Variants in ARB2A observed in about 807,000 individuals in gnomAD.
The protein encoded by ARB2A is cotranscriptional regulator ARB2A.
At chr5:93,870,509 G>A in the ARB2A span, among the ~76,000 whole-genome samples, 1 of 152,198 alleles carries the variant, frequency 6.6e-6, no homozygotes, top group Non-Finnish European at 1.5e-5. Context: ...AGTGTTTTTA[G>A]ACATGTGGTC....
chr5:93,854,058 T>C, the ARB2A span, among the ~76,000 whole-genome samples: 1 of 152,178 alleles, frequency 6.6e-6, no homozygotes, highest in African/African-American at 2.4e-5. Flanking sequence ...GTACCTCTGG[T>C]AGAATTTGGC....
chr5:93,806,033 G>A, the ARB2A span: 12 of 782,092 alleles, frequency 1.5e-5, no homozygotes, highest in South Asian at 1.2e-4. Flanking sequence ...ATTCAGATAC[G>A]CAAATTTAAC....
the ARB2A span, among the ~76,000 whole-genome samples, chr5:93,796,898 C>A: frequency 1.3e-5 from 2 of 152,066 alleles, no homozygotes; most frequent in Admixed American, 6.5e-5. Context: ...CTGCACAAAA[C>A]CATATAAACA....
the ARB2A span, among the ~76,000 whole-genome samples, chr5:93,676,332 T>C: frequency 6.6e-6 from 1 of 152,224 alleles, no homozygotes; most frequent in Non-Finnish European, 1.5e-5. Context: ...AAATCTTTCT[T>C]GTTATTTAAT....
the ARB2A span, among the ~76,000 whole-genome samples, chr5:93,872,779 C>T: frequency 3.3e-5 from 5 of 152,014 alleles, no homozygotes; most frequent in Middle Eastern, 3.4e-3. Context: ...TAGCCAGGCA[C>T]GGTGGCAGGT....
At chr5:93,661,423 T>C in the ARB2A span, among the ~76,000 whole-genome samples, 1 of 152,188 alleles carries the variant, frequency 6.6e-6, no homozygotes, top group South Asian at 2.1e-4. Flanking sequence ...ACATTGCTTA[T>C]GACCTGTTTC....
At chr5:94,105,079 G>A in the ARB2A span, among the ~76,000 whole-genome samples, 6 of 151,996 alleles carry the variant, frequency 3.9e-5, no homozygotes, top group South Asian at 4.2e-4. Context: ...CTTGAAAACC[G>A]GAACAAGACA....
the ARB2A span, among the ~76,000 whole-genome samples, chr5:93,673,205 A>G: frequency 6.6e-6 from 1 of 152,198 alleles, no homozygotes; most frequent in Non-Finnish European, 1.5e-5. Flanking sequence ...AATAATTAAA[A>G]ATAGAGAGTT....
At chr5:93,839,448 T>C in the ARB2A span, among the ~76,000 whole-genome samples, 1 of 152,122 alleles carries the variant, frequency 6.6e-6, no homozygotes, top group Non-Finnish European at 1.5e-5. Context: ...GTTGAGGATT[T>C]TTGCATCTAT....
the ARB2A span, among the ~76,000 whole-genome samples, chr5:94,035,242 C>CATATACATATACATATAG: frequency 6.6e-6 from 1 of 151,840 alleles, no homozygotes; most frequent in Admixed American, 6.6e-5. Flanking sequence ...TATACATATA[C>CATATACATATACATATAG]ATATACATAT....
At chr5:93,924,064 T>C in the ARB2A span, among the ~76,000 whole-genome samples, 3 of 152,108 alleles carry the variant, frequency 2.0e-5, no homozygotes, top group African/African-American at 7.2e-5. Flanking sequence ...CTTCAAATTA[T>C]ATTTGAAAGC....
At chr5:93,848,372 A>G in the ARB2A span, among the ~76,000 whole-genome samples, 1 of 150,172 alleles carries the variant, frequency 6.7e-6, no homozygotes, top group African/African-American at 2.5e-5. Context: ...ACAGAGCGAG[A>G]CTCTGTCTAA....
the ARB2A span, among the ~76,000 whole-genome samples, chr5:93,891,040 C>T: frequency 6.6e-6 from 1 of 152,044 alleles, no homozygotes. Flanking sequence ...TAATAATGGA[C>T]CTTGTCTTTT....
chr5:93,896,364 CT>C, the ARB2A span, among the ~76,000 whole-genome samples: 1 of 152,086 alleles, frequency 6.6e-6, no homozygotes, highest in Non-Finnish European at 1.5e-5. Flanking sequence ...CCACACCTGA[CT>C]TCATGTGATG....
At chr5:94,036,205 C>A in the ARB2A span, among the ~76,000 whole-genome samples, 2 of 152,194 alleles carry the variant, frequency 1.3e-5, no homozygotes, top group African/African-American at 4.8e-5. Flanking sequence ...GTTTCATTTT[C>A]TTTTCAGTTT....
the ARB2A span, among the ~76,000 whole-genome samples, chr5:93,666,228 G>A: frequency 6.6e-6 from 1 of 152,098 alleles, no homozygotes; most frequent in Non-Finnish European, 1.5e-5. Flanking sequence ...TTTAATAAAC[G>A]TAGACTCATG....
At chr5:93,921,698 A>G in the ARB2A span, among the ~76,000 whole-genome samples, 3 of 152,208 alleles carry the variant, frequency 2.0e-5, no homozygotes, top group African/African-American at 4.8e-5. Flanking sequence ...ACATGCATTC[A>G]GGTTTATGAT....
the ARB2A span, among the ~76,000 whole-genome samples, chr5:93,932,371 T>C: frequency 6.6e-6 from 1 of 152,190 alleles, no homozygotes; most frequent in Non-Finnish European, 1.5e-5. Context: ...TAGAAAGTGC[T>C]CAGATGTACT....
At chr5:93,929,244 G>T in the ARB2A span, among the ~76,000 whole-genome samples, 1 of 151,968 alleles carries the variant, frequency 6.6e-6, no homozygotes. Context: ...TGTCAAAAGC[G>T]ACTCTCAGGG....
Sources: gnomAD v4.1 joint callset for allele counts (sites outside exome capture counted in the v4.1 genomes callset) on GRCh38, gnomAD v4.1.1 for gene constraint, MANE v1.5 for transcripts, NCBI Gene and HGNC (gene_info 2026-07-23, HGNC 2026-07-21) for gene names.